The following CACNA1C variants were observed in gnomAD, a reference collection of about 807,000 sequenced individuals.
CACNA1C encodes the protein calcium voltage-gated channel subunit alpha1 C.
A neutral mutation model predicts 229.0 loss-of-function variants in CACNA1C; 30 were observed. The observed-to-expected ratio is 0.13, with a 90% CI of 0.10 to 0.18. CACNA1C has a LOEUF of 0.18. CACNA1C is among the 10% of genes least tolerant of loss of function. The pLI is 1.00. For missense variants in CACNA1C, 1,658 were observed against 2,845.0 expected (o/e 0.58, Z 9.49); for synonymous variants, 1,114 against 1,132.5 (o/e 0.98, Z 0.33).
intron 3 of CACNA1C, among the ~76,000 whole-genome samples, chr12:2,270,126 A>C (rs904549500): frequency 6.6e-6 from 1 of 152,170 alleles, no homozygotes; most frequent in African/African-American, 2.4e-5. Flanking sequence ...GAAGGGGTCT[A>C]GGGGAGCCAG....
intron 5 of CACNA1C, among the ~76,000 whole-genome samples, chr12:2,462,617 C>T (rs2099518065): frequency 6.6e-6 from 1 of 152,240 alleles, no homozygotes; most frequent in Admixed American, 6.5e-5. Flanking sequence ...AACATGGTTA[C>T]ACGGACGCCC....
At position 2,385,822 on chromosome 12, in the gene CACNA1C, G is replaced by A. The variant is rs193179084; in HGVS notation, c.478-63154G>A. On this transcript the variant is annotated intron_variant, in intron 3 of 46. Coordinates refer to ENST00000399655, the MANE Select transcript of CACNA1C (RefSeq NM_000719.7). ...ACCTGGGATCTTTTTAAAATTACCC[G>A]TGCCTGGGTCTCACCCGTAGTGACT... is the stretch of plus-strand genomic sequence containing the variant. 4.3e-4 allele frequency among the ~76,000 whole-genome samples: 65 copies of A among 152,238 alleles called. 1 individual carries two copies. The East Asian group carries it at 0.011, about 25-fold the overall frequency.
At chr12:2,059,253 G>A (rs973020534) in intron 1 of CACNA1C, among the ~76,000 whole-genome samples, 2 of 151,972 alleles carry the variant, frequency 1.3e-5, no homozygotes, top group Non-Finnish European at 2.9e-5. Flanking sequence ...AGCCAGAGGA[G>A]CCCCAACTCC....
intron 29 of CACNA1C, among the ~76,000 whole-genome samples, chr12:2,617,550 G>A (rs746006439): frequency 6.6e-6 from 1 of 152,184 alleles, no homozygotes; most frequent in Non-Finnish European, 1.5e-5. Flanking sequence ...TGCCCATGTG[G>A]GGGCAGGGAT....
intron 3 of CACNA1C, among the ~76,000 whole-genome samples, chr12:2,122,252 C>T (rs913649512): frequency 7.2e-5 from 11 of 152,140 alleles, no homozygotes; most frequent in African/African-American, 2.2e-4. Flanking sequence ...GGGCTGCTTG[C>T]ACAACTGTGT....
Position 2,287,759 on chromosome 12 carries a change from C to T in CACNA1C, c.478-161217C>T, listed in dbSNP as rs758867748. 2.0e-5 allele frequency among the ~76,000 whole-genome samples: 3 copies of T among 152,162 alleles called. No individual in the cohort carries two copies. Among genetic ancestry groups the T allele is most frequent in the Non-Finnish European group, 4.4e-5 (3 of 68,040 alleles). ...ACACAGATTCCTGGGCTCCAGCTTCCGAGTTTCAGTGGCTCCAGGATGGAG... is the reference window on the plus strand; with the variant it reads ...ACACAGATTCCTGGGCTCCAGCTTCTGAGTTTCAGTGGCTCCAGGATGGAG... On this transcript the variant is annotated intron_variant, in intron 3 of 46. Coordinates refer to ENST00000399655, the MANE Select transcript of CACNA1C (RefSeq NM_000719.7). This position sits in a 1 kb window ranked among gnomAD's most constrained non-coding sequence, Gnocchi z 4.6.
intron 9 of CACNA1C, among the ~76,000 whole-genome samples, chr12:2,518,563 G>A (rs888189683): frequency 3.3e-5 from 5 of 150,842 alleles, no homozygotes; most frequent in East Asian, 2.0e-4. Context: ...AGCCGAGATC[G>A]CGCCACTGCA....
rs1482521384 is a variant in CACNA1C, at chr12:2,285,622, C to T, written c.478-163354C>T. On this transcript the variant is annotated intron_variant, in intron 3 of 46. Coordinates refer to ENST00000399655, the MANE Select transcript of CACNA1C (RefSeq NM_000719.7). The surrounding 1 kb of genome is among the most constrained non-coding windows in gnomAD (Gnocchi z 4.2). ...GCTGTGCCGCAGAGCTGGAATCACT[C>T]AAAGCAGAGTGATGGACGAGACTTA... Among the ~76,000 whole-genome samples the T allele has an allele frequency of 1.3e-5, 2 of 152,186 alleles. No homozygotes were observed. The highest frequency in any genetic ancestry group is 2.9e-5 in the Non-Finnish European group (2 of 68,036).
intron 3 of CACNA1C, among the ~76,000 whole-genome samples, chr12:2,360,407 C>G (rs980984522): frequency 6.6e-6 from 1 of 152,096 alleles, no homozygotes; most frequent in African/African-American, 2.4e-5. Flanking sequence ...TTGGAATGGA[C>G]GCTGGGGCAT....
chr12:2,691,257 T>C lies in CACNA1C; in HGVS notation c.*58T>C, dbSNP rs2097785329. 9 of 1,447,098 alleles carry C rather than the reference T, an allele frequency of 6.2e-6. No individual in the cohort carries two copies. Among genetic ancestry groups the C allele is most frequent in the Non-Finnish European group, 8.3e-6 (9 of 1,088,420 alleles). 89.6% of individuals were successfully genotyped at this position (1,447,098 alleles called of 1,614,324 possible). A position where few individuals can be genotyped will look rare whatever the true frequency, so the allele number is the denominator to read the frequency against. ...TGTTTCAATGTTCCTAATGGGTTCGTTTCAGAAGTGCCTCACTGTTCTCGT... is the reference window on the plus strand; with the variant it reads ...TGTTTCAATGTTCCTAATGGGTTCGCTTCAGAAGTGCCTCACTGTTCTCGT... On this transcript the variant is annotated 3_prime_UTR_variant, in exon 47 of 47. Coordinates refer to ENST00000399655, the MANE Select transcript of CACNA1C (RefSeq NM_000719.7).
Position 2,539,149 on chromosome 12 carries a change from G to A in CACNA1C, c.1391-10794G>A, listed in dbSNP as rs370034652. Among the ~76,000 whole-genome samples the A allele has an allele frequency of 2.8e-4, 42 of 152,310 alleles. No homozygotes were observed. The South Asian group carries it at 8.3e-3, about 30-fold the overall frequency. On this transcript the variant is annotated intron_variant, in intron 9 of 46. Coordinates refer to ENST00000399655, the MANE Select transcript of CACNA1C (RefSeq NM_000719.7). ...AATATCTACCTTGCCTGTGCCGTAG[G>A]GGTATGTCGGTCAGTGTCCCCATGG... is the stretch of plus-strand genomic sequence containing the variant.
intron 3 of CACNA1C, among the ~76,000 whole-genome samples, chr12:2,280,811 C>T (rs1381006653): frequency 6.6e-6 from 1 of 151,772 alleles, no homozygotes; most frequent in Non-Finnish European, 1.5e-5. Flanking sequence ...TTCTGTTAGT[C>T]CCATGTAGCT....
intron 2 of CACNA1C, 49 bp downstream of exon 2, chr12:2,115,594 G>A: frequency 6.3e-7 from 1 of 1,585,528 alleles, no homozygotes; most frequent in Non-Finnish European, 8.6e-7. Flanking sequence ...CTGCACGCTG[G>A]GTCCAGCCCT....
At chr12:2,292,427 G>A (rs553849777) in intron 3 of CACNA1C, among the ~76,000 whole-genome samples, 75 of 152,334 alleles carry the variant, frequency 4.9e-4, no homozygotes, top group African/African-American at 1.7e-3. Flanking sequence ...GGTATTTGGA[G>A]AAGGACACAG....
At chr12:2,638,360 GT>G (rs576703168) in intron 30 of CACNA1C, among the ~76,000 whole-genome samples, 7 of 152,206 alleles carry the variant, frequency 4.6e-5, no homozygotes, top group African/African-American at 1.7e-4. Context: ...GGGAGAAGAG[GT>G]AGCAGGGCAG....
At chr12:2,300,884 CA>C (rs1479271571) in intron 3 of CACNA1C, among the ~76,000 whole-genome samples, 1 of 152,102 alleles carries the variant, frequency 6.6e-6, no homozygotes, top group Non-Finnish European at 1.5e-5. Flanking sequence ...CAAGCAAATC[CA>C]AAGAGATATC....
intron 10 of CACNA1C, among the ~76,000 whole-genome samples, 176 bp downstream of exon 10, chr12:2,550,209 A>C (rs1032200124): frequency 6.6e-6 from 1 of 152,174 alleles, no homozygotes; most frequent in African/African-American, 2.4e-5. Flanking sequence ...CCCTGGGGTG[A>C]GGGTGGCCCT....
chr12:1,993,337 A>T, intron 1 of CACNA1C: 1 of 1,614,068 alleles, frequency 6.2e-7, no homozygotes, highest in Non-Finnish European at 8.5e-7. Context: ...GTTCTGTCCT[A>T]TTTTCCATGC....
intron 3 of CACNA1C, among the ~76,000 whole-genome samples, chr12:2,256,088 C>CAAGACCCTG (rs2077550428): frequency 3.3e-5 from 5 of 152,194 alleles, no homozygotes; most frequent in African/African-American, 9.7e-5. Flanking sequence ...TTTACAATCA[C>CAAGACCCTG]ACCTCCTGTT....
Sources: allele counts gnomAD v4.1 joint callset (sites outside exome capture counted in the v4.1 genomes callset), GRCh38; gene constraint gnomAD v4.1.1; non-coding constraint Gnocchi (gnomAD v3.1); transcripts MANE v1.5; gene names NCBI Gene and HGNC (gene_info 2026-07-23, HGNC 2026-07-21).